The following TGFBR3 variants were observed in gnomAD, a reference collection of about 807,000 sequenced individuals.
TGFBR3 encodes transforming growth factor beta receptor 3, also known as transforming growth factor beta receptor type 3.
Under a neutral mutation model 87.9 loss-of-function variants are expected in TGFBR3, and 46 were observed. The observed-to-expected ratio is 0.52, with a 90% CI of 0.41 to 0.67. TGFBR3 has a LOEUF of 0.67. Ranked by LOEUF, TGFBR3 falls within the 30% of genes least tolerant of loss-of-function variation. The probability of loss-of-function intolerance (pLI) is 0.00; values close to 1 mark genes in which losing one functional copy is unlikely to be tolerated. For synonymous variants in TGFBR3, 381 were observed against 391.6 expected, an observed-to-expected ratio of 0.97 and a Z score of 0.32; for missense variants, 866 against 1,041.9, an observed-to-expected ratio of 0.83 and a Z score of 2.32.
At chr1:91,745,833 AT>A (rs1368958529) in intron 4 of TGFBR3, among the ~76,000 whole-genome samples, 2 of 152,324 alleles carry the variant, frequency 1.3e-5, no homozygotes, top group Admixed American at 6.5e-5. Context: ...TAGGTTCATA[AT>A]TTGCAAAGCT....
At chr1:91,824,524 C>G (rs1327248545) in intron 2 of TGFBR3, among the ~76,000 whole-genome samples, 1 of 152,162 alleles carries the variant, frequency 6.6e-6, no homozygotes, top group Non-Finnish European at 1.5e-5. Context: ...GGTGCCCATT[C>G]AAATGTTTAT....
At chr1:91,827,236 CACA>C (rs775686403) in intron 2 of TGFBR3, among the ~76,000 whole-genome samples, 3 of 152,138 alleles carry the variant, frequency 2.0e-5, no homozygotes, top group Admixed American at 6.5e-5. Flanking sequence ...TAGCAACGAT[CACA>C]ACAACAGAAC....
chr1:91,788,339 G>A (rs56085340), intron 3 of TGFBR3, among the ~76,000 whole-genome samples: 5,259 of 152,268 alleles, frequency 0.035, 158 homozygotes, highest in African/African-American at 0.077. Context: ...TCAGGCCACA[G>A]AGAGGGAAGA....
At position 91,722,094 on chromosome 1, in the gene TGFBR3, C is replaced by T. The variant is rs774342612; in HGVS notation, c.936G>A (p.Met312Ile). 1.2e-6 allele frequency: 2 copies of T among 1,613,892 alleles called. No individual in the cohort carries two copies. Among genetic ancestry groups the T allele is most frequent in the African/African-American group, 1.3e-5 (1 of 75,026 alleles). ...FGKESERSMT[M>I]TKSIRDDIPS... ...GAATGTCATCTCTTATTGATTTGGTCATTGTCATAGATCTTTCACTCTCTT... is the reference window on the plus strand; with the variant it reads ...GAATGTCATCTCTTATTGATTTGGTTATTGTCATAGATCTTTCACTCTCTT... The change falls in exon 8 of 17, where the codon ATG (methionine) becomes ATA (isoleucine). Residue 312 changes from methionine (M) to isoleucine (I), a missense_variant. Physicochemically the swap from Met to Ile is conservative, Grantham distance 10. Coordinates refer to ENST00000212355, the MANE Select transcript of TGFBR3 (RefSeq NM_003243.5).
chr1:91,865,876 C>A (rs1678377045), intron 1 of TGFBR3, among the ~76,000 whole-genome samples: 1 of 148,592 alleles, frequency 6.7e-6, no homozygotes, highest in Non-Finnish European at 1.5e-5. Flanking sequence ...CGCGCCACTG[C>A]ACTCCAGCCT....
intron 14 of TGFBR3, among the ~76,000 whole-genome samples, chr1:91,700,589 T>C (rs1671585160): frequency 6.6e-6 from 1 of 152,180 alleles, no homozygotes; most frequent in Non-Finnish European, 1.5e-5. Context: ...TGAGGATATA[T>C]GCAAAAGTAT....
At chr1:91,871,986 G>C in intron 1 of TGFBR3, among the ~76,000 whole-genome samples, 1 of 152,108 alleles carries the variant, frequency 6.6e-6, no homozygotes, top group Non-Finnish European at 1.5e-5. Context: ...GGAAATGGTA[G>C]CTTTGATTAT....
chr1:91,758,867 T>C (rs1673847124), intron 3 of TGFBR3, 117 bp from the exon 4 acceptor site: 3 of 1,254,206 alleles, frequency 2.4e-6, no homozygotes, highest in Admixed American at 3.7e-5. Context: ...CAAGCTATAA[T>C]GTAGCTCAGA....
intron 2 of TGFBR3, among the ~76,000 whole-genome samples, chr1:91,893,871 T>C (rs1231996667): frequency 6.6e-6 from 1 of 151,016 alleles, no homozygotes; most frequent in African/African-American, 2.4e-5. Context: ...TGGTTTATAA[T>C]ACATTGTTAA....
At chr1:91,857,116 G>T (rs1249101334) in intron 2 of TGFBR3, among the ~76,000 whole-genome samples, 2 of 152,094 alleles carry the variant, frequency 1.3e-5, no homozygotes, top group Non-Finnish European at 2.9e-5. Context: ...AGCACTGCTG[G>T]GTCTGAAGCT....
intron 2 of TGFBR3, among the ~76,000 whole-genome samples, chr1:91,898,005 T>G (rs1352347785): frequency 6.6e-6 from 1 of 150,404 alleles, no homozygotes; most frequent in Non-Finnish European, 1.5e-5. Flanking sequence ...CTGGGCAATA[T>G]AGCAAGACCT....
chr1:91,895,142 G>A lies in TGFBR3; in HGVS notation c.-114+4495C>T, dbSNP rs1442959566. On this transcript the variant is annotated intron_variant, in intron 2 of 17. Transcript: ENST00000370399. Reference sequence around the variant, plus strand: ...ATCTGCGTCCTCATCCAAATCTCATGTTCAATTGTAATCCCCAATGTTGGA... The same window carrying A: ...ATCTGCGTCCTCATCCAAATCTCATATTCAATTGTAATCCCCAATGTTGGA... 2.0e-5 allele frequency among the ~76,000 whole-genome samples: 3 copies of A among 152,244 alleles called. No individual in the cohort carries two copies. In the East Asian group the frequency reaches 5.8e-4, roughly 29 times the overall value.
At chr1:91,812,652 G>A (rs1020113105) in intron 2 of TGFBR3, among the ~76,000 whole-genome samples, 43 of 152,122 alleles carry the variant, frequency 2.8e-4, no homozygotes, top group African/African-American at 9.6e-4. Context: ...TCGCTCAGTC[G>A]CCCAGGCTGG....
At chr1:91,690,811 T>A (rs139552742) in intron 16 of TGFBR3, among the ~76,000 whole-genome samples, 25 of 152,274 alleles carry the variant, frequency 1.6e-4, no homozygotes, top group South Asian at 2.1e-4. Context: ...GATCCAATGA[T>A]GAGGTATCAG....
At chr1:91,795,622 C>T (rs1675352975) in intron 3 of TGFBR3, among the ~76,000 whole-genome samples, 1 of 152,178 alleles carries the variant, frequency 6.6e-6, no homozygotes, top group African/African-American at 2.4e-5. Context: ...ACTTTCTTTT[C>T]CCTCTGAGTT....
At chr1:91,760,369 T>C (rs1031107869) in intron 3 of TGFBR3, among the ~76,000 whole-genome samples, 2 of 152,186 alleles carry the variant, frequency 1.3e-5, no homozygotes, top group East Asian at 3.9e-4. Flanking sequence ...TGAGCCCAGA[T>C]CGTGCCACTG....
At chr1:91,839,497 A>G (rs889681827) in intron 2 of TGFBR3, among the ~76,000 whole-genome samples, 3 of 152,226 alleles carry the variant, frequency 2.0e-5, no homozygotes, top group African/African-American at 7.2e-5. Flanking sequence ...TCTGGCAGAC[A>G]TCACTCTAGC....
chr1:91,730,216 A>C (rs1362447293), intron 5 of TGFBR3, among the ~76,000 whole-genome samples: 4 of 152,034 alleles, frequency 2.6e-5, no homozygotes, highest in Non-Finnish European at 5.9e-5. Context: ...TTCTCCTTGC[A>C]TGTTCTCTGT....
chr1:91,689,733 C>T, intron 16 of TGFBR3, among the ~76,000 whole-genome samples: 1 of 150,330 alleles, frequency 6.7e-6, no homozygotes, highest in East Asian at 2.0e-4. Flanking sequence ...GCCTGGGTAA[C>T]TTTGAGCTTG....
Sources: gnomAD v4.1 joint callset for allele counts (sites outside exome capture counted in the v4.1 genomes callset) on GRCh38, gnomAD v4.1.1 for gene constraint, MANE v1.5 for transcripts, NCBI Gene and HGNC (gene_info 2026-07-23, HGNC 2026-07-21) for gene names.